The following SLC4A4 variants were observed in gnomAD, a reference collection of about 807,000 sequenced individuals.
The protein encoded by SLC4A4 is electrogenic sodium bicarbonate cotransporter 1.
In SLC4A4, 27 loss-of-function variants were observed where a neutral mutation model predicts 111.5. The ratio of observed to expected loss-of-function variants is 0.24; its 90% confidence interval spans 0.18 to 0.33. SLC4A4 has a LOEUF of 0.33. Ranked by LOEUF, SLC4A4 falls within the 10% of genes least tolerant of loss-of-function variation. SLC4A4 has a pLI of 1.00. For synonymous variants in SLC4A4, 443 were observed against 463.4 expected (o/e 0.96, Z 0.57); for missense variants, 909 against 1,315.5 (o/e 0.69, Z 4.78).
At chr4:71,076,347 A>G (rs191669984) in intron 1 of SLC4A4, among the ~76,000 whole-genome samples, 4 of 152,264 alleles carry the variant, frequency 2.6e-5, no homozygotes, top group Admixed American at 2.0e-4. Flanking sequence ...CCTGGCCAAC[A>G]TAGTGAAACC....
intron 22 of SLC4A4, among the ~76,000 whole-genome samples, chr4:71,558,481 C>T (rs1277995072): frequency 6.6e-6 from 1 of 151,896 alleles, no homozygotes; most frequent in African/African-American, 2.4e-5. Flanking sequence ...AAGCAACTAA[C>T]GTTTCACTCT....
At chr4:71,554,869 TA>T (rs532016095) in intron 20 of SLC4A4, among the ~76,000 whole-genome samples, 5 of 151,562 alleles carry the variant, frequency 3.3e-5, no homozygotes, top group East Asian at 2.0e-4. Flanking sequence ...CTCCATTAAT[TA>T]AAAAAAAGTT....
chr4:71,139,033 C>T (rs1743923757), intron 2 of SLC4A4, among the ~76,000 whole-genome samples: 1 of 71,254 alleles, frequency 1.4e-5, no homozygotes. Context: ...GAGACTCCGT[C>T]TCAAAAAAAA....
chr4:71,439,475 A>AAAAAAAAAAAACCCCAGC (rs1724506880), intron 7 of SLC4A4, among the ~76,000 whole-genome samples: 1 of 136,272 alleles, frequency 7.3e-6, no homozygotes, highest in Non-Finnish European at 1.6e-5. Context: ...AAAAAAAGAA[A>AAAAAAAAAAAACCCCAGC]AGAAAATCCC....
At chr4:71,531,014 C>G (rs1185216583) in intron 16 of SLC4A4, among the ~76,000 whole-genome samples, 1 of 151,998 alleles carries the variant, frequency 6.6e-6, no homozygotes. Context: ...TGAATTGTAT[C>G]GGTTTTATTT....
chr4:71,558,658 A>C (rs1365274387), intron 22 of SLC4A4, among the ~76,000 whole-genome samples: 1 of 151,968 alleles, frequency 6.6e-6, no homozygotes, highest in East Asian at 1.9e-4. Flanking sequence ...ACAGCTTTGA[A>C]AACAGAATTT....
intron 6 of SLC4A4, among the ~76,000 whole-genome samples, chr4:71,396,369 T>C (rs1719822966): frequency 6.6e-6 from 1 of 152,226 alleles, no homozygotes; most frequent in African/African-American, 2.4e-5. Context: ...AAATAGCTGC[T>C]GTTATATAGG....
chr4:71,204,465 T>G (rs1468814349), intron 1 of SLC4A4, among the ~76,000 whole-genome samples: 1 of 152,238 alleles, frequency 6.6e-6, no homozygotes, highest in Non-Finnish European at 1.5e-5. Context: ...TTACCAAGGA[T>G]GTTGAGTACT....
At chr4:71,488,943 CTTTTA>C (rs1414213224) in intron 15 of SLC4A4, among the ~76,000 whole-genome samples, 2 of 145,466 alleles carry the variant, frequency 1.4e-5, no homozygotes, top group South Asian at 2.1e-4. Flanking sequence ...TGAAGGCCAA[CTTTTA>C]TTTTATCCTT....
chr4:71,412,396 G>A (rs1374678948), intron 7 of SLC4A4, among the ~76,000 whole-genome samples: 1 of 152,160 alleles, frequency 6.6e-6, no homozygotes, highest in East Asian at 1.9e-4. Flanking sequence ...AAGGGTACAA[G>A]GCTCATGAAA....
chr4:71,150,995 T>C (rs1479294994), intron 2 of SLC4A4, among the ~76,000 whole-genome samples: 1 of 152,216 alleles, frequency 6.6e-6, no homozygotes, highest in Non-Finnish European at 1.5e-5. Flanking sequence ...TGTGAGGACA[T>C]GAAAATATCC....
At chr4:71,424,898 A>C (rs187456299) in intron 7 of SLC4A4, among the ~76,000 whole-genome samples, 1 of 152,108 alleles carries the variant, frequency 6.6e-6, no homozygotes, top group Non-Finnish European at 1.5e-5. Context: ...CTAGATGACG[A>C]GTTAGTGGGT....
intron 18 of SLC4A4, among the ~76,000 whole-genome samples, chr4:71,540,414 TAA>T (rs1285508355): frequency 1.3e-5 from 2 of 152,204 alleles, no homozygotes; most frequent in African/African-American, 2.4e-5. Context: ...CAAAAGGAAA[TAA>T]AGTTTCACTT....
intron 16 of SLC4A4, among the ~76,000 whole-genome samples, chr4:71,516,197 G>A (rs536077169): frequency 2.3e-5 from 3 of 131,588 alleles, no homozygotes; most frequent in East Asian, 2.6e-4. Flanking sequence ...CCGGGTTCAC[G>A]CCATTCTCCT....
intron 12 of SLC4A4, among the ~76,000 whole-genome samples, chr4:71,454,176 G>T (rs1475733797): frequency 1.3e-5 from 2 of 152,168 alleles, no homozygotes; most frequent in African/African-American, 4.8e-5. Flanking sequence ...TATATCTCCT[G>T]CAGGTGGACC....
At chr4:71,101,132 G>A (rs191156880) in intron 2 of SLC4A4, among the ~76,000 whole-genome samples, 21 of 152,058 alleles carry the variant, frequency 1.4e-4, no homozygotes, top group Middle Eastern at 3.4e-3. Flanking sequence ...GGTGGCGGGC[G>A]CCTGTAGTCC....
At chr4:71,434,241 G>T (rs1183808549) in intron 7 of SLC4A4, among the ~76,000 whole-genome samples, 10 of 151,916 alleles carry the variant, frequency 6.6e-5, no homozygotes, top group African/African-American at 2.4e-4. Flanking sequence ...TTGAGTGGTT[G>T]ATACACAGGA....
chr4:71,130,077 T>C (rs1412220965), intron 2 of SLC4A4, among the ~76,000 whole-genome samples: 1 of 152,130 alleles, frequency 6.6e-6, no homozygotes, highest in East Asian at 1.9e-4. Flanking sequence ...CACCAAACCC[T>C]TGTGACATGC....
At chr4:71,456,541 G>C (rs757299308) in intron 12 of SLC4A4, among the ~76,000 whole-genome samples, 23 of 152,084 alleles carry the variant, frequency 1.5e-4, no homozygotes, top group Non-Finnish European at 3.2e-4. Flanking sequence ...TCTTGACCTG[G>C]GACCAGGATA....
Sources: allele counts gnomAD v4.1 joint callset (sites outside exome capture counted in the v4.1 genomes callset), GRCh38; gene constraint gnomAD v4.1.1; transcripts MANE v1.5; gene names NCBI Gene and HGNC (gene_info 2026-07-23, HGNC 2026-07-21).